Variants in CLEC16A observed in about 807,000 individuals in gnomAD.
CLEC16A encodes the protein C-type lectin domain containing 16A, also known as protein CLEC16A.
CLEC16A carries 51 observed loss-of-function variants against 109.5 expected under a neutral mutation model. The observed-to-expected ratio is 0.47, with a 90% confidence interval of 0.37 to 0.59. The LOEUF is 0.59. Ranked by LOEUF, CLEC16A falls within the 20% of genes least tolerant of loss-of-function variation. The pLI is 0.00. For synonymous variants in CLEC16A, 673 were observed against 564.2 expected (o/e 1.19, Z -2.73); for missense variants, 1,339 against 1,394.0 (o/e 0.96, Z 0.63).
chr16:10,977,122 T>TA, intron 7 of CLEC16A, 103 bp from the exon 8 acceptor site: 1 of 1,069,732 alleles, frequency 9.3e-7, no homozygotes, highest in South Asian at 1.5e-5. Flanking sequence ...CTAACTCAAA[T>TA]ATGTGGATGA....
chr16:11,068,067 C>T (rs1415607987), intron 19 of CLEC16A, among the ~76,000 whole-genome samples: 5 of 152,140 alleles, frequency 3.3e-5, no homozygotes, highest in Non-Finnish European at 5.9e-5. Flanking sequence ...AGTCAGGCTG[C>T]GGTTATGGAG....
chr16:11,101,555 T>C (rs972873534), intron 19 of CLEC16A, among the ~76,000 whole-genome samples: 7 of 152,216 alleles, frequency 4.6e-5, no homozygotes, highest in Non-Finnish European at 8.8e-5. Context: ...GAGCCTTTTA[T>C]CTTGTCTCTC....
rs2047102838 is a variant in CLEC16A at position 11,037,728 on chromosome 16, G to A, written c.1538-2026G>A. ...TCTGAAGCGGAGTGACTGCTGATGGGTTATAAAGTTGGGCAATGCACCTGG... is the reference window on the plus strand; with the variant it reads ...TCTGAAGCGGAGTGACTGCTGATGGATTATAAAGTTGGGCAATGCACCTGG... On this transcript the variant is annotated intron_variant, in intron 13 of 23. Transcript: ENST00000409790. Among the ~76,000 whole-genome samples the A allele has an allele frequency of 2.0e-5, 3 of 152,174 alleles. No homozygotes were observed. In the South Asian group the frequency reaches 6.2e-4, roughly 32 times the overall value.
chr16:11,047,466 G>A, intron 17 of CLEC16A, 124 bp downstream of exon 17: 1 of 510,826 alleles, frequency 2.0e-6, no homozygotes, highest in South Asian at 4.9e-5. Context: ...CAGATTGATG[G>A]GGAAGCAGAT....
At chr16:11,006,961 T>C (rs2045059759) in intron 11 of CLEC16A, among the ~76,000 whole-genome samples, 3 of 152,332 alleles carry the variant, frequency 2.0e-5, no homozygotes, top group Middle Eastern at 3.4e-3. Flanking sequence ...TCATCGTCCC[T>C]GTAGGCAAAG....
At chr16:10,944,863 G>A in intron 1 of CLEC16A, 66 bp downstream of exon 1, 1 of 1,446,690 alleles carries the variant, frequency 6.9e-7, no homozygotes, top group South Asian at 1.2e-5. Flanking sequence ...CGAGCTCCGG[G>A]TCGGGGCTCT....
chr16:11,091,362 C>T (rs1356997679), intron 19 of CLEC16A, among the ~76,000 whole-genome samples: 1 of 152,174 alleles, frequency 6.6e-6, no homozygotes, highest in African/African-American at 2.4e-5. Flanking sequence ...TGGTGGATGC[C>T]CCCGGGTCTG....
chr16:11,057,307 AG>A (rs2048260387), intron 18 of CLEC16A, among the ~76,000 whole-genome samples: 2 of 152,258 alleles, frequency 1.3e-5, no homozygotes, highest in South Asian at 4.1e-4. Context: ...AGGAAGCAGG[AG>A]GGTGAAAACC....
At chr16:11,020,891 C>T (rs746886914) in intron 12 of CLEC16A, among the ~76,000 whole-genome samples, 25 of 152,362 alleles carry the variant, frequency 1.6e-4, no homozygotes, top group Non-Finnish European at 2.5e-4. Context: ...TGCCATAGCA[C>T]CAGCCCCTCC....
At chr16:10,992,276 C>CATCCCT (rs1555451849) in intron 10 of CLEC16A, among the ~76,000 whole-genome samples, 2 of 151,688 alleles carry the variant, frequency 1.3e-5, no homozygotes, top group African/African-American at 4.8e-5. Flanking sequence ...CTTCCCCATC[C>CATCCCT]GCATCCCTGC....
intron 6 of CLEC16A, 119 bp downstream of exon 6, chr16:10,972,678 T>C (rs1427649867): frequency 7.3e-6 from 7 of 959,008 alleles, no homozygotes; most frequent in Middle Eastern, 2.1e-4. Flanking sequence ...ATAAGTAGGC[T>C]CTCCCATGCA....
chr16:11,041,369 C>T (rs900897632), intron 14 of CLEC16A: 2 of 152,226 alleles, frequency 1.3e-5, no homozygotes, highest in Non-Finnish European at 2.9e-5. Flanking sequence ...CTGGCTTAAA[C>T]AATACAAGCA....
At chr16:11,076,710 G>A (rs760775477) in intron 19 of CLEC16A, among the ~76,000 whole-genome samples, 4 of 152,190 alleles carry the variant, frequency 2.6e-5, no homozygotes, top group Non-Finnish European at 4.4e-5. Flanking sequence ...CTTTAAGGAA[G>A]GTGTAAGTCA....
chr16:11,091,536 T>A (rs1340957024), intron 19 of CLEC16A, among the ~76,000 whole-genome samples: 1 of 152,144 alleles, frequency 6.6e-6, no homozygotes, highest in East Asian at 1.9e-4. Flanking sequence ...GGGCTGGCAC[T>A]GCACAGGGAA....
chr16:11,120,558 C>T (rs2052328646), intron 19 of CLEC16A, 57 bp from the exon 20 acceptor site: 1 of 1,535,402 alleles, frequency 6.5e-7, no homozygotes, highest in African/African-American at 1.4e-5. Context: ...TTTGGTGTCT[C>T]CATCACCCTG....
intron 1 of CLEC16A, among the ~76,000 whole-genome samples, chr16:10,952,130 C>T (rs1183804285): frequency 3.3e-5 from 5 of 152,196 alleles, no homozygotes; most frequent in South Asian, 2.1e-4. Context: ...CCACGGTTGC[C>T]GTTTCTCTTT....
chr16:11,136,797 C>A (rs145087593), intron 22 of CLEC16A, among the ~76,000 whole-genome samples: 296 of 152,362 alleles, frequency 1.9e-3, no homozygotes, highest in Non-Finnish European at 3.5e-3. Flanking sequence ...CAGCCCAGCA[C>A]ACATCCTGTC....
intron 17 of CLEC16A, among the ~76,000 whole-genome samples, chr16:11,050,995 C>T (rs376951190): frequency 2.0e-4 from 31 of 152,358 alleles, no homozygotes; most frequent in African/African-American, 7.2e-4. Context: ...TTTTCTGCTT[C>T]TCTGAGACTG....
At chr16:11,166,352 T>G in intron 22 of CLEC16A, 36 bp from the exon 23 acceptor site, 1 of 1,567,296 alleles carries the variant, frequency 6.4e-7, no homozygotes, top group Admixed American at 1.7e-5. Flanking sequence ...GCCTACTCTT[T>G]GCTTCCACTT....
Sources: gnomAD v4.1 joint callset for allele counts (sites outside exome capture counted in the v4.1 genomes callset) on GRCh38, gnomAD v4.1.1 for gene constraint, MANE v1.5 for transcripts, NCBI Gene and HGNC (gene_info 2026-07-23, HGNC 2026-07-21) for gene names.